Variants in SLFN12L observed in about 807,000 individuals in gnomAD.
SLFN12L encodes the protein schlafen family member 12 like.
Under a neutral mutation model 34.8 loss-of-function variants are expected in SLFN12L, and 34 were observed. The observed-to-expected ratio is 0.98, with a 90% CI of 0.74 to 1.30. The LOEUF (loss-of-function observed/expected upper bound fraction) is 1.30, where lower values mean the gene tolerates loss of function less well. Among genes scored for constraint, SLFN12L ranks in the 50% most tolerant of loss-of-function variants. SLFN12L has a pLI of 0.00. For missense variants in SLFN12L, 703 were observed against 696.2 expected, an observed-to-expected ratio of 1.01 and a Z score of -0.11; for synonymous variants, 259 against 247.5, an observed-to-expected ratio of 1.05 and a Z score of -0.44.
chr17:35,531,688 T>C (rs1016154968), intron 1 of SLFN12L, among the ~76,000 whole-genome samples: 1 of 152,104 alleles, frequency 6.6e-6, no homozygotes, highest in African/African-American at 2.4e-5. Context: ...GCGATCTCGG[T>C]TCACTGCAAC....
At chr17:35,491,179 G>A (rs901337744) in intron 2 of SLFN12L, 2 of 896,482 alleles carry the variant, frequency 2.2e-6, no homozygotes, top group Admixed American at 2.1e-5. Flanking sequence ...AGGCATCAGC[G>A]ATCTCTTTGA....
At position 35,522,975 on chromosome 17, in the gene SLFN12L, T is replaced by A; in HGVS notation, c.-605-6A>T. The A allele has an allele frequency of 2.1e-6, 1 of 487,588 alleles. No individual in the cohort carries two copies. Among genetic ancestry groups the A allele is most frequent in the Non-Finnish European group, 3.6e-6 (1 of 274,290 alleles). The allele number at this position is 487,588 out of a possible 1,614,324, so 30.2% of individuals were successfully genotyped here. On this transcript the variant is annotated splice_polypyrimidine_tract_variant and splice_region_variant and intron_variant, in intron 1 of 4. Transcript: ENST00000628453. ...TCGCAAATATCCTGGTAGCACTAGA[T>A]GTGAAAAGAATGAGAAATTAGGGGA...
At chr17:35,485,826 G>C (rs1482765579) in intron 2 of SLFN12L, among the ~76,000 whole-genome samples, 1 of 152,142 alleles carries the variant, frequency 6.6e-6, no homozygotes, top group African/African-American at 2.4e-5. Context: ...CTTTATTTCA[G>C]GGGTCTTTAT....
intron 2 of SLFN12L, chr17:35,491,273 A>G: frequency 1.2e-6 from 1 of 827,938 alleles, no homozygotes. Flanking sequence ...CTTAAAAACC[A>G]ATTTTTTTAA....
chr17:35,520,084 C>A (rs891205233), intron 2 of SLFN12L, among the ~76,000 whole-genome samples: 1 of 151,684 alleles, frequency 6.6e-6, no homozygotes, highest in African/African-American at 2.4e-5. Context: ...TTGAGTCACG[C>A]GTCCCTACAC....
In SLFN12L at chr17:35,479,580, A is replaced by G. The variant is rs777607596; in HGVS notation, c.702T>C (p.Tyr234=). 4 of 1,613,538 alleles carry G rather than the reference A, an allele frequency of 2.5e-6. No homozygotes were observed. Among genetic ancestry groups the G allele is most frequent in the South Asian group, 2.2e-5 (2 of 90,926 alleles). Residue 234 remains tyrosine (Y), a synonymous_variant, in exon 3 of 5, where the codon TAT becomes TAC. Coordinates refer to ENST00000628453, the MANE Select transcript of SLFN12L (RefSeq NM_001363830.2). Reference sequence around the variant, plus strand: ...ATTCAGTAAAGGTCAATTTTTCTTTATAACCAAGTTCTGTTCTGTTAAAAA... The same window carrying G: ...ATTCAGTAAAGGTCAATTTTTCTTTGTAACCAAGTTCTGTTCTGTTAAAAA... ...ADFFNRTELG[Y]KEKLTFTEST...
At chr17:35,480,575 T>A (rs537788405) in intron 2 of SLFN12L, 1 of 165,754 alleles carries the variant, frequency 6.0e-6, no homozygotes, top group Admixed American at 6.4e-5. Flanking sequence ...GCATATTATT[T>A]CTTCTTTACT....
chr17:35,497,696 C>T (rs1004722859), intron 2 of SLFN12L, among the ~76,000 whole-genome samples: 1 of 152,144 alleles, frequency 6.6e-6, no homozygotes, highest in Non-Finnish European at 1.5e-5. Flanking sequence ...GCCTTCTTTG[C>T]ATTTTCAAAG....
chr17:35,476,896 A>T (rs1351285798), intron 4 of SLFN12L, among the ~76,000 whole-genome samples: 2 of 152,224 alleles, frequency 1.3e-5, no homozygotes, highest in Non-Finnish European at 2.9e-5. Context: ...GATAAAAATC[A>T]GAACAAATTA....
chr17:35,503,638 G>T (rs920218015), intron 2 of SLFN12L, among the ~76,000 whole-genome samples: 7 of 152,120 alleles, frequency 4.6e-5, no homozygotes, highest in Admixed American at 4.6e-4. Context: ...AAAGTCCACT[G>T]CCGATGTCCC....
At position 35,479,869 on chromosome 17, in the gene SLFN12L, A is replaced by C. The variant is rs1260661293; in HGVS notation, c.413T>G (p.Phe138Cys). Residue 138 changes from phenylalanine to cysteine, a missense_variant, in exon 3 of 5, where the codon TTC becomes TGC. Phe to Cys is a radical substitution (Grantham distance 205). Transcript: ENST00000628453. The part of the protein sequence containing the change: ...MLPFVPNFLD[F>C]MQNGNYFHIF... ...GTGAAAGTAGTTACCATTCTGCATG[A>C]AGTCCAGGAAATTAGGAACAAATGG... 1 of 1,609,074 alleles carries C rather than the reference A, an allele frequency of 6.2e-7. No individual in the cohort carries two copies.
intron 1 of SLFN12L, among the ~76,000 whole-genome samples, chr17:35,525,816 C>G (rs146961875): frequency 1.2e-4 from 19 of 152,282 alleles, no homozygotes; most frequent in Non-Finnish European, 2.1e-4. Flanking sequence ...GCAAAATAAC[C>G]AGCTAGCATC....
Position 35,479,299 on chromosome 17 carries a change from A to G in SLFN12L, c.983T>C (p.Leu328Ser), listed in dbSNP as rs1365813750. Residue 328 changes from leucine (L) to serine (S), a missense_variant, in exon 3 of 5, where the codon TTA (leucine) becomes TCA (serine). Physicochemically the swap from Leu to Ser is moderately radical, Grantham distance 145. Transcript: ENST00000628453. ...FCVEKGTINYLCKFLGVYDKG... is the reference protein window; with the variant it reads ...FCVEKGTINYSCKFLGVYDKG... ...ATCATATACTCCAAGGAATTTGCAT[A>G]AGTAATTTATCGTCCCCTTCTCCAC... The G allele has an allele frequency of 2.5e-6, 4 of 1,588,824 alleles. No homozygotes were observed. In the South Asian group the frequency reaches 4.5e-5, roughly 18 times the overall value.
At chr17:35,489,660 T>G (rs1914752728) in intron 2 of SLFN12L, among the ~76,000 whole-genome samples, 1 of 152,160 alleles carries the variant, frequency 6.6e-6, no homozygotes, top group Non-Finnish European at 1.5e-5. Context: ...GTGATTTAGA[T>G]GTGAAAATCA....
chr17:35,534,619 C>T (rs965364740), intron 1 of SLFN12L, among the ~76,000 whole-genome samples: 3 of 152,024 alleles, frequency 2.0e-5, no homozygotes, highest in Non-Finnish European at 1.5e-5. Flanking sequence ...AGAAGTAAGC[C>T]GAGGGACCTG....
intron 2 of SLFN12L, chr17:35,498,724 A>G (rs546335957): frequency 6.9e-7 from 1 of 1,455,756 alleles, no homozygotes; most frequent in South Asian, 1.3e-5. Context: ...CTCCAAGAAG[A>G]CAGCTACAAC....
rs377194134 is a variant in SLFN12L at position 35,522,396 on chromosome 17, C to T, written c.-32G>A. 3.7e-6 allele frequency: 6 copies of T among 1,614,176 alleles called. No individual in the cohort carries two copies. In the African/African-American group the frequency reaches 8.0e-5, roughly 22 times the overall value. ...CATGGCCATGATGGTCTTTCCTAAGCCAGGTAAGCCATGGACAAACAATTC... is the reference window on the plus strand; with the variant it reads ...CATGGCCATGATGGTCTTTCCTAAGTCAGGTAAGCCATGGACAAACAATTC... On this transcript the variant is annotated 5_prime_UTR_variant, in exon 2 of 5. Transcript: ENST00000628453.
Position 35,479,848 on chromosome 17 carries a change from AAGT to A in SLFN12L, c.431_433del (p.Tyr144del). Reference sequence around the variant, plus strand: ...GCTCCATGATTTCACAAAAATGTGAAAGTAGTTACCATTCTGCATGAAGTCCAG... The same window carrying A: ...GCTCCATGATTTCACAAAAATGTGAAAGTTACCATTCTGCATGAAGTCCAG... On this transcript the variant is annotated inframe_deletion, in exon 3 of 5. Transcript: ENST00000628453. The A allele has an allele frequency of 6.2e-7, 1 of 1,606,872 alleles. No individual in the cohort carries two copies. The highest frequency in any genetic ancestry group is 8.5e-7 in the Non-Finnish European group (1 of 1,175,910).
chr17:35,500,916 C>T (rs1915272522), intron 2 of SLFN12L, among the ~76,000 whole-genome samples: 1 of 152,156 alleles, frequency 6.6e-6, no homozygotes, highest in Non-Finnish European at 1.5e-5. Flanking sequence ...ACGCAGACTC[C>T]CTTGGAGTTG....
Sources: allele counts gnomAD v4.1 joint callset (sites outside exome capture counted in the v4.1 genomes callset), GRCh38; gene constraint gnomAD v4.1.1; transcripts MANE v1.5; gene names NCBI Gene and HGNC (gene_info 2026-07-23, HGNC 2026-07-21).